The following CNTNAP2 variants were observed in gnomAD, a reference collection of about 807,000 sequenced individuals.
The protein encoded by CNTNAP2 is contactin associated protein 2.
A neutral mutation model predicts 155.2 loss-of-function variants in CNTNAP2; 98 were observed. The observed-to-expected ratio is 0.63, with a 90% CI of 0.54 to 0.75. The LOEUF (loss-of-function observed/expected upper bound fraction) is 0.75. Ranked by LOEUF, CNTNAP2 falls within the 30% of genes least tolerant of loss-of-function variation. CNTNAP2 has a pLI of 0.00. For missense variants in CNTNAP2, 1,727 were observed against 1,688.1 expected, an observed-to-expected ratio of 1.02 and a Z score of -0.40; for synonymous variants, 651 against 631.2, an observed-to-expected ratio of 1.03 and a Z score of -0.47.
chr7:146,401,847 T>G (rs1795719301), intron 1 of CNTNAP2, among the ~76,000 whole-genome samples: 1 of 152,188 alleles, frequency 6.6e-6, no homozygotes, highest in African/African-American at 2.4e-5. Context: ...CAAAACTTTA[T>G]TTTATCACTG....
intron 8 of CNTNAP2, among the ~76,000 whole-genome samples, chr7:147,138,730 A>G (rs1403220840): frequency 6.6e-6 from 1 of 151,848 alleles, no homozygotes; most frequent in Non-Finnish European, 1.5e-5. Flanking sequence ...TTATAATCAC[A>G]CTCCAGGACA....
intron 14 of CNTNAP2, among the ~76,000 whole-genome samples, chr7:147,965,720 T>A (rs533646221): frequency 2.0e-5 from 3 of 152,290 alleles, no homozygotes; most frequent in African/African-American, 7.2e-5. Context: ...TTCATTCTTC[T>A]TCTTTCATGC....
intron 13 of CNTNAP2, among the ~76,000 whole-genome samples, chr7:147,781,390 A>G (rs1440657284): frequency 3.3e-5 from 5 of 152,188 alleles, no homozygotes; most frequent in Admixed American, 6.5e-5. Flanking sequence ...TACACTGCTC[A>G]CCCTTGAGAA....
chr7:146,592,139 C>T (rs1244997708), intron 1 of CNTNAP2, among the ~76,000 whole-genome samples: 3 of 152,150 alleles, frequency 2.0e-5, no homozygotes, highest in African/African-American at 7.2e-5. Flanking sequence ...AAAACAAAGC[C>T]AGTGCCAGCT....
chr7:148,194,361 G>A (rs933797801), intron 18 of CNTNAP2, among the ~76,000 whole-genome samples: 2 of 152,016 alleles, frequency 1.3e-5, no homozygotes, highest in Admixed American at 1.3e-4. Context: ...AAAAGCATTT[G>A]CCATTTAGTA....
intron 1 of CNTNAP2, among the ~76,000 whole-genome samples, chr7:146,502,641 C>T (rs1225553907): frequency 6.6e-6 from 1 of 151,878 alleles, no homozygotes. Flanking sequence ...AAACAGAGCC[C>T]CTCTCTTTCA....
chr7:146,395,415 G>A (rs1482208249), intron 1 of CNTNAP2, among the ~76,000 whole-genome samples: 3 of 151,902 alleles, frequency 2.0e-5, no homozygotes, highest in Admixed American at 1.3e-4. Flanking sequence ...TTAGTACTGC[G>A]TACACATTAC....
At chr7:147,697,174 C>A (rs937202453) in intron 13 of CNTNAP2, among the ~76,000 whole-genome samples, 1 of 152,128 alleles carries the variant, frequency 6.6e-6, no homozygotes, top group Non-Finnish European at 1.5e-5. Context: ...GTCACCAAAG[C>A]CATTCTTCAT....
chr7:147,036,155 T>G (rs1799148118), intron 3 of CNTNAP2, among the ~76,000 whole-genome samples: 1 of 152,120 alleles, frequency 6.6e-6, no homozygotes, highest in African/African-American at 2.4e-5. Context: ...TATGAATAAT[T>G]TTTACATTTC....
intron 13 of CNTNAP2, among the ~76,000 whole-genome samples, chr7:147,866,484 C>G (rs898292100): frequency 6.6e-6 from 1 of 152,184 alleles, no homozygotes; most frequent in African/African-American, 2.4e-5. Flanking sequence ...TGTTAACCTT[C>G]TGTCTCATTG....
chr7:147,318,332 C>T (rs2116813923), intron 9 of CNTNAP2, among the ~76,000 whole-genome samples: 1 of 152,196 alleles, frequency 6.6e-6, no homozygotes, highest in East Asian at 1.9e-4. Flanking sequence ...GTCCCAGCTA[C>T]TTGGGAGGCT....
chr7:148,174,424 C>A (rs988225924), intron 18 of CNTNAP2, among the ~76,000 whole-genome samples: 2 of 152,046 alleles, frequency 1.3e-5, no homozygotes, highest in African/African-American at 2.4e-5. Context: ...GTGACCGCCC[C>A]CCACCTCAGG....
chr7:146,519,752 G>A (rs1301025883), intron 1 of CNTNAP2, among the ~76,000 whole-genome samples: 1 of 151,836 alleles, frequency 6.6e-6, no homozygotes, highest in Non-Finnish European at 1.5e-5. Flanking sequence ...GTCTCACTGA[G>A]CATACCTGGA....
At chr7:147,294,981 G>C (rs941683305) in intron 8 of CNTNAP2, among the ~76,000 whole-genome samples, 1 of 152,004 alleles carries the variant, frequency 6.6e-6, no homozygotes, top group Non-Finnish European at 1.5e-5. Context: ...TATTAAATGT[G>C]TCTCAGCTTA....
At chr7:146,502,070 G>A (rs1797308387) in intron 1 of CNTNAP2, among the ~76,000 whole-genome samples, 1 of 151,610 alleles carries the variant, frequency 6.6e-6, no homozygotes, top group South Asian at 2.1e-4. Context: ...AATATTTTTA[G>A]CATTATATAT....
chr7:147,393,697 GA>G (rs1260906059), intron 9 of CNTNAP2, among the ~76,000 whole-genome samples: 7 of 151,704 alleles, frequency 4.6e-5, no homozygotes, highest in South Asian at 4.1e-4. Flanking sequence ...CAATGCGAAT[GA>G]AAAAAATGTG....
chr7:147,202,418 A>G (rs1028679072), intron 8 of CNTNAP2, among the ~76,000 whole-genome samples: 1 of 152,172 alleles, frequency 6.6e-6, no homozygotes, highest in African/African-American at 2.4e-5. Context: ...AAAATGTGTG[A>G]AACAAGTTAT....
intron 13 of CNTNAP2, among the ~76,000 whole-genome samples, chr7:147,646,054 G>A (rs1003858565): frequency 6.6e-6 from 1 of 152,222 alleles, no homozygotes. Flanking sequence ...AGAGGTGGTG[G>A]GAAGAGTCTG....
rs1435687553 is a variant in CNTNAP2 at position 147,960,390 on chromosome 7, T to C, written c.2256-17472T>C. Among the ~76,000 whole-genome samples the C allele has an allele frequency of 2.6e-5, 4 of 152,112 alleles. No homozygotes were observed. The East Asian group carries it at 7.7e-4, about 29-fold the overall frequency. On this transcript the variant is annotated intron_variant, in intron 14 of 23. Transcript: ENST00000361727. ...AAATGCAAAGGAACTCAATAAATGG[T>C]GAGATGATTAACCAATGAGGTGGTA...
Sources: gnomAD v4.1 joint callset for allele counts (sites outside exome capture counted in the v4.1 genomes callset) on GRCh38, gnomAD v4.1.1 for gene constraint, MANE v1.5 for transcripts, NCBI Gene and HGNC (gene_info 2026-07-23, HGNC 2026-07-21) for gene names.